PCDHGA12: variants seen among roughly 807,000 people sequenced by gnomAD.
The protein encoded by PCDHGA12 is protocadherin gamma subfamily A, 12, also known as protocadherin gamma-A12.
In PCDHGA12, 43 loss-of-function variants were observed where a neutral mutation model predicts 61.1. The ratio of observed to expected loss-of-function variants is 0.70; its 90% CI spans 0.55 to 0.91. The LOEUF is 0.91. Ranked by LOEUF, PCDHGA12 falls within the 40% of genes least tolerant of loss-of-function variation. The pLI, the probability that PCDHGA12 is intolerant of heterozygous loss-of-function variation, is 0.00. For synonymous variants in PCDHGA12, 520 were observed against 542.9 expected, an observed-to-expected ratio of 0.96 and a Z score of 0.59; for missense variants, 1,236 against 1,227.7, an observed-to-expected ratio of 1.01 and a Z score of -0.10.
chr5:141,478,319 T>A, intron 1 of PCDHGA12: 4 of 1,614,052 alleles, frequency 2.5e-6, no homozygotes, highest in Non-Finnish European at 3.4e-6. Flanking sequence ...GAGCTCACTG[T>A]ACCGAACACC....
In PCDHGA12 at chr5:141,485,589, A is replaced by G. The variant is rs1407992185; in HGVS notation, c.2425-9218A>G. 6.2e-7 allele frequency: 1 copy of G among 1,612,610 alleles called. No homozygotes were observed. Among genetic ancestry groups the G allele is most frequent in the Non-Finnish European group, 8.5e-7 (1 of 1,178,834 alleles). On this transcript the variant is annotated intron_variant, in intron 1 of 3. Coordinates refer to ENST00000252085, the MANE Select transcript of PCDHGA12 (RefSeq NM_003735.3). The surrounding 1 kb of genome is among the most constrained non-coding windows in gnomAD (Gnocchi z 5.7). Reference sequence around the variant, plus strand: ...CCCCGTTTTCCGCGGCAGCAGCTGGACTTGGAAATTGGGGAGGCAGCTCCT... The same window carrying G: ...CCCCGTTTTCCGCGGCAGCAGCTGGGCTTGGAAATTGGGGAGGCAGCTCCT...
intron 1 of PCDHGA12, chr5:141,478,112 G>A (rs2099430344): frequency 1.2e-6 from 2 of 1,613,968 alleles, no homozygotes; most frequent in South Asian, 2.2e-5. Flanking sequence ...CACTGTGTCA[G>A]TAACCGAGGA....
chr5:141,455,753 G>T (rs2098830630), intron 1 of PCDHGA12, among the ~76,000 whole-genome samples: 1 of 152,074 alleles, frequency 6.6e-6, no homozygotes, highest in Non-Finnish European at 1.5e-5. Flanking sequence ...TGCTGGCCTG[G>T]CTCCTAGAGC....
Position 141,477,167 on chromosome 5 carries a change from G to C in PCDHGA12, c.2425-17640G>C. The C allele has an allele frequency of 6.2e-7, 1 of 1,614,166 alleles. No individual in the cohort carries two copies. Among genetic ancestry groups the C allele is most frequent in the South Asian group, 1.1e-5 (1 of 91,076 alleles). ...TGTGGATGTGAATGACAACGCCCCG[G>C]AGATCACAGTCACCTCCGTGTACAG... On this transcript the variant is annotated intron_variant, in intron 1 of 3. Coordinates refer to ENST00000252085, the MANE Select transcript of PCDHGA12 (RefSeq NM_003735.3). The surrounding 1 kb of genome is among the most constrained non-coding windows in gnomAD (Gnocchi z 4.9).
intron 1 of PCDHGA12, among the ~76,000 whole-genome samples, chr5:141,447,123 T>G (rs1004463863): frequency 1.3e-5 from 2 of 152,160 alleles, no homozygotes; most frequent in Non-Finnish European, 2.9e-5. Flanking sequence ...CCATGGATTT[T>G]TTTGTTTGTT....
rs1236959966 is a variant in PCDHGA12, at chr5:141,511,984, G to C, written c.*811G>C. On this transcript the variant is annotated 3_prime_UTR_variant, in exon 4 of 4. Transcript: ENST00000252085. ...GGGAAGTGTGTGGATGTGGATGGTGGGGGCATGGACAAAGCTTGACACATC... is the reference window on the plus strand; with the variant it reads ...GGGAAGTGTGTGGATGTGGATGGTGCGGGCATGGACAAAGCTTGACACATC... 1 of 153,294 alleles carries C rather than the reference G, an allele frequency of 6.5e-6. No individual in the cohort carries two copies. Among genetic ancestry groups the C allele is most frequent in the African/African-American group, 2.4e-5 (1 of 41,452 alleles). 9.5% of individuals were successfully genotyped at this position (153,294 alleles called of 1,614,324 possible). A position where few individuals can be genotyped will look rare whatever the true frequency, so the allele number is the denominator to read the frequency against.
chr5:141,508,535 C>A (rs1294413041), intron 3 of PCDHGA12, among the ~76,000 whole-genome samples: 1 of 152,172 alleles, frequency 6.6e-6, no homozygotes, highest in Non-Finnish European at 1.5e-5. Context: ...GGGCACCCCC[C>A]ACGAGGTGGG....
chr5:141,502,179 A>C (rs1403845758), intron 2 of PCDHGA12, among the ~76,000 whole-genome samples: 3 of 152,218 alleles, frequency 2.0e-5, no homozygotes, highest in African/African-American at 7.2e-5. Context: ...GGAATTTAAC[A>C]TTAATACAAT....
chr5:141,489,268 G>C lies in PCDHGA12; in HGVS notation c.2425-5539G>C. 6.4e-7 allele frequency: 1 copy of C among 1,553,286 alleles called. No individual in the cohort carries two copies. The highest frequency in any genetic ancestry group is 8.7e-7 in the Non-Finnish European group (1 of 1,149,780). ...GGGGCCCAAGACACTCCCACAGCTC[G>C]CTGGGAAATGGCAAGTGCTGTGCAT... On this transcript the variant is annotated intron_variant, in intron 1 of 3. Transcript: ENST00000252085. The surrounding 1 kb of genome is among the most constrained non-coding windows in gnomAD (Gnocchi z 4.5).
chr5:141,446,821 T>C lies in PCDHGA12; in HGVS notation c.2424+13638T>C, dbSNP rs183143971. ...CATTGTGATCATCTAGTCAGATGGG[T>C]AGATCCTTATAAGGCTGAGCATAAT... On this transcript the variant is annotated intron_variant, in intron 1 of 3. Coordinates refer to ENST00000252085, the MANE Select transcript of PCDHGA12 (RefSeq NM_003735.3). 1.6e-3 allele frequency among the ~76,000 whole-genome samples: 244 copies of C among 152,302 alleles called. 2 individuals carry two copies. The highest frequency in any genetic ancestry group is 5.4e-3 in the African/African-American group (223 of 41,572).
At chr5:141,451,640 G>A (rs2098720679) in intron 1 of PCDHGA12, among the ~76,000 whole-genome samples, 1 of 152,166 alleles carries the variant, frequency 6.6e-6, no homozygotes, top group South Asian at 2.1e-4. Context: ...CCAGCACTCT[G>A]AGAGGCCAAG....
chr5:141,486,168 A>C lies in PCDHGA12; in HGVS notation c.2425-8639A>C, dbSNP rs774913463. 6.2e-7 allele frequency: 1 copy of C among 1,614,196 alleles called. No homozygotes were observed. Among genetic ancestry groups the C allele is most frequent in the South Asian group, 1.1e-5 (1 of 91,084 alleles). On this transcript the variant is annotated intron_variant, in intron 1 of 3. Transcript: ENST00000252085. The surrounding 1 kb of genome is among the most constrained non-coding windows in gnomAD (Gnocchi z 5.0). ...GATGGGGGTTCTCCAGCCATGGAGC[A>C]ACATTGCAGCCTTCGAGTGGATCTG...
At chr5:141,478,528 G>A (rs1013766552) in intron 1 of PCDHGA12, 1 of 1,609,730 alleles carries the variant, frequency 6.2e-7, no homozygotes, top group Non-Finnish European at 8.5e-7. Context: ...TGGGTGCAGA[G>A]AGCGCCCCTC....
intron 3 of PCDHGA12, 62 bp downstream of exon 3, chr5:141,505,543 C>T: frequency 6.2e-7 from 1 of 1,609,636 alleles, no homozygotes; most frequent in Non-Finnish European, 8.5e-7. Flanking sequence ...GTGCATCTCA[C>T]AGCCACCATG....
Position 141,430,743 on chromosome 5 carries a change from T to C in PCDHGA12, c.-17T>C. 6.7e-7 allele frequency: 1 copy of C among 1,498,372 alleles called. No homozygotes were observed. Among genetic ancestry groups the C allele is most frequent in the Non-Finnish European group, 8.9e-7 (1 of 1,125,440 alleles). The allele number at this position is 1,498,372 out of a possible 1,614,324, so 92.8% of individuals were successfully genotyped here. ...GGTTAAGGGCAGAATTGAAAATAAT[T>C]CTGGAGGAAGATAAGAATGATTCCT... On this transcript the variant is annotated 5_prime_UTR_variant, in exon 1 of 4. Coordinates refer to ENST00000252085, the MANE Select transcript of PCDHGA12 (RefSeq NM_003735.3).
intron 1 of PCDHGA12, among the ~76,000 whole-genome samples, chr5:141,438,296 A>G (rs902991313): frequency 6.6e-6 from 1 of 152,034 alleles, no homozygotes; most frequent in Non-Finnish European, 1.5e-5. Context: ...CTGTATGTAA[A>G]AGAAGTTGGT....
At chr5:141,500,086 A>G (rs1456179271) in intron 2 of PCDHGA12, among the ~76,000 whole-genome samples, 1 of 151,682 alleles carries the variant, frequency 6.6e-6, no homozygotes, top group Non-Finnish European at 1.5e-5. Flanking sequence ...TCCATCTTCC[A>G]TTTTTGCAAT....
chr5:141,509,320 C>T (rs1261653347), intron 3 of PCDHGA12, among the ~76,000 whole-genome samples: 2 of 152,194 alleles, frequency 1.3e-5, no homozygotes, highest in East Asian at 3.8e-4. Flanking sequence ...GGGAGAGAAG[C>T]TCTACTGCCA....
At position 141,493,061 on chromosome 5, in the gene PCDHGA12, C is replaced by G. The variant is rs1386090478; in HGVS notation, c.2425-1746C>G. On this transcript the variant is annotated intron_variant, in intron 1 of 3. Transcript: ENST00000252085. The surrounding 1 kb of genome is among the most constrained non-coding windows in gnomAD (Gnocchi z 4.3). The stretch of plus-strand genomic sequence containing the variant: ...GAGGAAACTACAATAGTAAAAAACA[C>G]AAGTTTCTCCAACTCCAGGAGCTTT... Among the ~76,000 whole-genome samples the G allele has an allele frequency of 6.6e-6, 1 of 152,228 alleles. No individual in the cohort carries two copies. Among genetic ancestry groups the G allele is most frequent in the African/African-American group, 2.4e-5 (1 of 41,446 alleles).
Sources: allele counts gnomAD v4.1 joint callset (sites outside exome capture counted in the v4.1 genomes callset), GRCh38; gene constraint gnomAD v4.1.1; non-coding constraint Gnocchi (gnomAD v3.1); transcripts MANE v1.5; gene names NCBI Gene and HGNC (gene_info 2026-07-23, HGNC 2026-07-21).